HNRNPLL: variants seen among roughly 807,000 people sequenced by gnomAD.
HNRNPLL encodes the protein heterogeneous nuclear ribonucleoprotein L-like.
HNRNPLL carries 25 observed loss-of-function variants against 67.1 expected under a neutral mutation model. The ratio of observed to expected loss-of-function variants is 0.37; its 90% CI spans 0.27 to 0.52. HNRNPLL has a LOEUF of 0.52. HNRNPLL is among the 20% of genes least tolerant of loss of function. HNRNPLL has a pLI of 0.90. For missense variants in HNRNPLL, 542 were observed against 673.9 expected (o/e 0.80, Z 2.17); for synonymous variants, 267 against 241.7 (o/e 1.10, Z -0.97).
chr2:38,588,046 T>C (rs1666803698), intron 2 of HNRNPLL, among the ~76,000 whole-genome samples: 1 of 152,058 alleles, frequency 6.6e-6, no homozygotes, highest in Admixed American at 6.6e-5. Context: ...TTGCCATGAT[T>C]CTAAGTTTTC....
intron 1 of HNRNPLL, chr2:38,599,870 T>C (rs1385477666): frequency 2.1e-6 from 1 of 470,452 alleles, no homozygotes. Flanking sequence ...CAACTAGAGT[T>C]GAAAAGAATG....
chr2:38,584,042 T>G, intron 3 of HNRNPLL, 116 bp from the exon 4 acceptor site: 1 of 464,512 alleles, frequency 2.2e-6, no homozygotes, highest in Non-Finnish European at 3.9e-6. Context: ...TTTCTATTGA[T>G]TAATAAAATT....
At chr2:38,565,462 T>C (rs1665820686) in intron 12 of HNRNPLL, among the ~76,000 whole-genome samples, 1 of 151,982 alleles carries the variant, frequency 6.6e-6, no homozygotes, top group South Asian at 2.1e-4. Flanking sequence ...TCCCAGCAAC[T>C]TGGGAGGCTG....
intron 1 of HNRNPLL, among the ~76,000 whole-genome samples, chr2:38,595,477 C>G (rs1030955904): frequency 6.6e-6 from 1 of 151,812 alleles, no homozygotes. Context: ...CAAAAAAAAT[C>G]TCCTTTTAAT....
At chr2:38,595,853 G>A (rs947420606) in intron 1 of HNRNPLL, among the ~76,000 whole-genome samples, 4 of 151,694 alleles carry the variant, frequency 2.6e-5, no homozygotes, top group South Asian at 2.1e-4. Context: ...CAAAAAAAAA[G>A]GGTGGACAAT....
rs1007765913 is a variant in HNRNPLL at position 38,602,818 on chromosome 2, C to T, written c.-192G>A. 1.3e-6 allele frequency: 2 copies of T among 1,545,608 alleles called. No homozygotes were observed. The highest frequency in any genetic ancestry group is 1.7e-6 in the Non-Finnish European group (2 of 1,145,014). On this transcript the variant is annotated 5_prime_UTR_variant, in exon 1 of 13. Transcript: ENST00000449105. The stretch of plus-strand genomic sequence containing the variant: ...GCGCGGACGGACTGAGGGGGGCGCC[C>T]CGGGAGGAAGCTCTGGAGCGGCCGC...
At chr2:38,586,544 G>A (rs1666742141) in intron 2 of HNRNPLL, among the ~76,000 whole-genome samples, 2 of 152,328 alleles carry the variant, frequency 1.3e-5, no homozygotes, top group South Asian at 2.1e-4. Context: ...AAGGTTGGCA[G>A]ACAGAATCCC....
Position 38,568,200 on chromosome 2 carries a change from C to G in HNRNPLL, c.1572G>C (p.Pro524=), listed in dbSNP as rs138662849. Residue 524 remains proline, a splice_region_variant and synonymous_variant, in exon 12 of 13, where the codon CCG becomes CCC. Coordinates refer to ENST00000449105, the MANE Select transcript of HNRNPLL (RefSeq NM_138394.4). ...ACACAAATAAAGCATTTTACTTACT[C>G]GGCACTCTTATCTGATAGTGATTCA... The part of the protein sequence containing the change: ...TALNHYQIRV[P]NGSNPYTLKL... 1.3e-5 allele frequency: 20 copies of G among 1,596,086 alleles called. No homozygotes were observed. In the Admixed American group the frequency reaches 3.4e-4, roughly 27 times the overall value.
chr2:38,570,527 G>T (rs1666036240), intron 8 of HNRNPLL, among the ~76,000 whole-genome samples: 1 of 152,120 alleles, frequency 6.6e-6, no homozygotes, highest in Non-Finnish European at 1.5e-5. Flanking sequence ...GCAACATAGG[G>T]GGATACACGT....
rs77360526 is a variant in HNRNPLL, at chr2:38,572,902, A to T, written c.1092+308T>A. Among the ~76,000 whole-genome samples the T allele has an allele frequency of 4.7e-4, 71 of 152,180 alleles. 4 individuals carry two copies. In the East Asian group the frequency reaches 0.013, roughly 29 times the overall value. The stretch of plus-strand genomic sequence containing the variant: ...TTTCAACCTGTTAAACGCTAGAATC[A>T]CTTTGAAATGAGATCACCAAAATAT... On this transcript the variant is annotated intron_variant, in intron 8 of 12. Coordinates refer to ENST00000449105, the MANE Select transcript of HNRNPLL (RefSeq NM_138394.4).
chr2:38,580,605 G>C (rs897918660), intron 6 of HNRNPLL, among the ~76,000 whole-genome samples: 1 of 152,114 alleles, frequency 6.6e-6, no homozygotes, highest in Non-Finnish European at 1.5e-5. Context: ...CCACCCTGTA[G>C]TTCAAACACT....
At position 38,563,194 on chromosome 2, in the gene HNRNPLL, G is replaced by T. The variant is rs566485379; in HGVS notation, c.*988C>A. The T allele has an allele frequency of 6.6e-6, 1 of 151,758 alleles. No individual in the cohort carries two copies. The allele number at this position is 151,758 out of a possible 1,614,324, so 9.4% of individuals were successfully genotyped here. ...GAAAAAAAAAACAGATCCAGTGGGA[G>T]AAAGAATGTTTAATAAATGGTATTG... is the stretch of plus-strand genomic sequence containing the variant. On this transcript the variant is annotated 3_prime_UTR_variant, in exon 13 of 13. Transcript: ENST00000449105.
intron 1 of HNRNPLL, among the ~76,000 whole-genome samples, chr2:38,592,372 TCCTG>T (rs1666997606): frequency 6.6e-6 from 1 of 152,224 alleles, no homozygotes; most frequent in South Asian, 2.1e-4. Flanking sequence ...TACTTATCTT[TCCTG>T]TAACGTAGTA....
intron 1 of HNRNPLL, among the ~76,000 whole-genome samples, chr2:38,594,242 A>G (rs1172722789): frequency 6.6e-6 from 1 of 152,214 alleles, no homozygotes; most frequent in Non-Finnish European, 1.5e-5. Flanking sequence ...TTATTAGACA[A>G]TAGTTAAAAC....
chr2:38,578,588 A>C (rs1666396321), intron 6 of HNRNPLL, among the ~76,000 whole-genome samples: 1 of 152,028 alleles, frequency 6.6e-6, no homozygotes, highest in African/African-American at 2.4e-5. Context: ...TAGAGTTTTA[A>C]TCACCTATTC....
intron 1 of HNRNPLL, among the ~76,000 whole-genome samples, chr2:38,592,999 A>C (rs1667023803): frequency 6.6e-6 from 1 of 152,230 alleles, no homozygotes; most frequent in African/African-American, 2.4e-5. Context: ...GCCAGTAAAA[A>C]TTTATGTCAC....
chr2:38,593,027 T>G (rs1236581173), intron 1 of HNRNPLL, among the ~76,000 whole-genome samples: 1 of 152,216 alleles, frequency 6.6e-6, no homozygotes, highest in African/African-American at 2.4e-5. Context: ...AGAAAGGAAC[T>G]GATTTAAATA....
Position 38,569,317 on chromosome 2 carries a change from G to C in HNRNPLL, c.1232C>G (p.Ser411Ter), listed in dbSNP as rs1259227536. 3 of 1,608,980 alleles carry C rather than the reference G, an allele frequency of 1.9e-6. No individual in the cohort carries two copies. The highest frequency in any genetic ancestry group is 2.6e-6 in the Non-Finnish European group (3 of 1,176,278). The change falls in exon 10 of 13, where the codon TCA becomes TGA. Residue 411 changes from serine to a stop codon, truncating the protein, a stop_gained. Coordinates refer to ENST00000449105, the MANE Select transcript of HNRNPLL (RefSeq NM_138394.4). LOFTEE classifies it high-confidence loss of function. ...RLNVCVSKQHSVVPSQIFELE... is the reference protein window; with the variant it reads ...RLNVCVSKQH ...CTCAAATATTTGACTTGGAACAACT[G>C]AATGTTGTTTAGACACGCTAAAGAT...
At chr2:38,597,602 C>T (rs908086098) in intron 1 of HNRNPLL, among the ~76,000 whole-genome samples, 6 of 152,264 alleles carry the variant, frequency 3.9e-5, no homozygotes, top group African/African-American at 1.4e-4. Context: ...GGGAAACTAA[C>T]TTTCCTATCC....
Sources: allele counts gnomAD v4.1 joint callset (sites outside exome capture counted in the v4.1 genomes callset), GRCh38; gene constraint gnomAD v4.1.1; transcripts MANE v1.5; gene names NCBI Gene and HGNC (gene_info 2026-07-23, HGNC 2026-07-21).